The following CCR5AS variants were observed in gnomAD, a reference collection of about 807,000 sequenced individuals.
The protein encoded by CCR5AS is CCR5 antisense RNA.
At chr3:46,374,036 G>T in intron 2 of CCR5AS, 1 of 1,118,186 alleles carries the variant, frequency 8.9e-7, no homozygotes, top group Non-Finnish European at 1.3e-6. Flanking sequence ...CCTGGGCTGG[G>T]GGTGGGGTGG....
At chr3:46,369,887 G>C (rs1170331171) in intron 3 of CCR5AS, among the ~76,000 whole-genome samples, 1 of 152,130 alleles carries the variant, frequency 6.6e-6, no homozygotes, top group African/African-American at 2.4e-5. Context: ...ACGTAATTTT[G>C]CTGTTTGGGG....
At chr3:46,383,954 T>G (rs747996751) in intron 2 of CCR5AS, among the ~76,000 whole-genome samples, 5 of 152,226 alleles carry the variant, frequency 3.3e-5, no homozygotes, top group Non-Finnish European at 5.9e-5. Context: ...TGAAAAGTAC[T>G]GTTGAAGTGG....
intron 1 of CCR5AS, among the ~76,000 whole-genome samples, chr3:46,397,175 C>A (rs538006448): frequency 6.6e-6 from 1 of 151,902 alleles, no homozygotes; most frequent in African/African-American, 2.4e-5. Flanking sequence ...TGAGCCAGGC[C>A]GGGTGCTCTT....
chr3:46,364,636 A>AT (rs1414958119), exon 4 of CCR5AS, among the ~76,000 whole-genome samples: 1 of 150,374 alleles, frequency 6.7e-6, no homozygotes, highest in African/African-American at 2.4e-5. Context: ...AGAAATAGCT[A>AT]TATATATATA....
intron 2 of CCR5AS, chr3:46,372,633 A>G: frequency 3.1e-6 from 1 of 320,788 alleles, no homozygotes; most frequent in African/African-American, 2.1e-5. Flanking sequence ...TATAGAGCAC[A>G]AGATTTTATT....
chr3:46,385,907 A>AT (rs923378494), intron 2 of CCR5AS, among the ~76,000 whole-genome samples: 10 of 151,758 alleles, frequency 6.6e-5, no homozygotes, highest in Admixed American at 2.6e-4. Flanking sequence ...CGCCTAGCTA[A>AT]TTTTTTGTAT....
chr3:46,395,280 G>A (rs901179662), intron 1 of CCR5AS, among the ~76,000 whole-genome samples: 1 of 152,152 alleles, frequency 6.6e-6, no homozygotes, highest in Admixed American at 6.5e-5. Context: ...CCAGGTGGCA[G>A]TGTCAGGGGA....
intron 2 of CCR5AS, among the ~76,000 whole-genome samples, chr3:46,376,844 T>A (rs1701765817): frequency 6.6e-6 from 1 of 152,120 alleles, no homozygotes; most frequent in Admixed American, 6.6e-5. Flanking sequence ...CACACTCATC[T>A]CCCAGCACAG....
rs10567130 is a variant in CCR5AS at position 46,404,327 on chromosome 3, C to CT, written n.163+2569dup. Among the ~76,000 whole-genome samples the CT allele has an allele frequency of 1.8e-3, 137 of 75,930 alleles. 5 individuals are homozygous for CT. The highest frequency in any genetic ancestry group is 3.0e-3 in the African/African-American group (44 of 14,574). 49.8% of individuals were successfully genotyped at this position (75,930 alleles called of 152,430 possible). A position where few individuals can be genotyped will look rare whatever the true frequency, so the allele number is the denominator to read the frequency against. On this transcript the variant is annotated intron_variant and non_coding_transcript_variant, in intron 1 of 3. Transcript: ENST00000451485. Reference sequence around the variant, plus strand: ...TCTCTCTCTCTCTCTCTCTCTCTCTCTTTTTTTTTTTTTTTTTTTTTTTTT... The same window carrying CT: ...TCTCTCTCTCTCTCTCTCTCTCTCTCTTTTTTTTTTTTTTTTTTTTTTTTTT...
At chr3:46,387,195 G>A (rs1052236960) in intron 2 of CCR5AS, among the ~76,000 whole-genome samples, 4 of 152,066 alleles carry the variant, frequency 2.6e-5, no homozygotes, top group Non-Finnish European at 4.4e-5. Flanking sequence ...TGAGTCAATC[G>A]GATCCTAGCT....
intron 2 of CCR5AS, among the ~76,000 whole-genome samples, chr3:46,371,904 G>T (rs1004632612): frequency 6.6e-6 from 1 of 152,132 alleles, no homozygotes; most frequent in African/African-American, 2.4e-5. Context: ...ACATCTGATG[G>T]TCTTGCCTTT....
chr3:46,396,196 C>T (rs531819642), intron 1 of CCR5AS, among the ~76,000 whole-genome samples: 33 of 152,208 alleles, frequency 2.2e-4, no homozygotes, highest in East Asian at 1.3e-3. Flanking sequence ...ATAAAAGAAA[C>T]GTTTCTTATC....
At chr3:46,377,188 T>C (rs972975013) in intron 2 of CCR5AS, among the ~76,000 whole-genome samples, 2 of 152,210 alleles carry the variant, frequency 1.3e-5, no homozygotes, top group African/African-American at 4.8e-5. Context: ...TCTTATTAAA[T>C]GTCTTCCAAC....
chr3:46,400,865 T>C (rs1702000340), intron 1 of CCR5AS, among the ~76,000 whole-genome samples: 1 of 152,244 alleles, frequency 6.6e-6, no homozygotes, highest in South Asian at 2.1e-4. Context: ...CTCCTTTATA[T>C]CTAGAAGGGA....
At chr3:46,369,873 G>A (rs565305742) in intron 3 of CCR5AS, among the ~76,000 whole-genome samples, 74 of 152,194 alleles carry the variant, frequency 4.9e-4, no homozygotes, top group Non-Finnish European at 9.7e-4. Flanking sequence ...GTAGGATTGG[G>A]GGCACGTAAT....
intron 1 of CCR5AS, among the ~76,000 whole-genome samples, chr3:46,396,112 G>A (rs866107453): frequency 2.6e-5 from 4 of 152,300 alleles, no homozygotes; most frequent in Non-Finnish European, 5.9e-5. Context: ...GTTACAATGT[G>A]TCATTTAATT....
At chr3:46,389,223 G>T (rs1363156026) in intron 2 of CCR5AS, among the ~76,000 whole-genome samples, 1 of 152,194 alleles carries the variant, frequency 6.6e-6, no homozygotes, top group African/African-American at 2.4e-5. Flanking sequence ...GTGAGTTTAA[G>T]GGAAGTAGGG....
intron 1 of CCR5AS, among the ~76,000 whole-genome samples, chr3:46,405,878 CT>C (rs113608683): frequency 6.7e-5 from 10 of 148,800 alleles, no homozygotes; most frequent in South Asian, 2.1e-4. Flanking sequence ...CCTCCTTCTT[CT>C]TTTTTTTTTC....
intron 1 of CCR5AS, among the ~76,000 whole-genome samples, chr3:46,406,404 T>G (rs1226127996): frequency 1.3e-5 from 2 of 152,016 alleles, no homozygotes; most frequent in African/African-American, 2.4e-5. Context: ...TTCGTCCTTC[T>G]TCCAGACCGT....
Sources: allele counts gnomAD v4.1 joint callset (sites outside exome capture counted in the v4.1 genomes callset), GRCh38; gene constraint gnomAD v4.1.1; transcripts MANE v1.5; gene names NCBI Gene and HGNC (gene_info 2026-07-23, HGNC 2026-07-21).